The following PRR35 variants were observed in gnomAD, a reference collection of about 807,000 sequenced individuals.
PRR35 encodes the protein proline rich 35, also known as proline-rich protein 35.
A neutral mutation model predicts 18.6 loss-of-function variants in PRR35; 14 were observed. That is an observed-to-expected ratio of 0.75 (90% CI 0.50 to 1.18). The LOEUF is 1.18. Ranked by LOEUF, PRR35 falls within the 50% of genes most tolerant of loss-of-function variation. PRR35 has a pLI of 0.00. For missense variants in PRR35, 832 were observed against 792.2 expected (o/e 1.05, Z -0.60); for synonymous variants, 425 against 378.2 (o/e 1.12, Z -1.43).
At chr16:561,495 C>A (rs2035434674) in intron 1 of PRR35, among the ~76,000 whole-genome samples, 1 of 152,298 alleles carries the variant, frequency 6.6e-6, no homozygotes, top group Middle Eastern at 3.4e-3. Flanking sequence ...CACCCACCAC[C>A]CAGTCCAGGC....
intron 1 of PRR35, among the ~76,000 whole-genome samples, chr16:562,522 CGCACACACGTGT>C (rs2035453152): frequency 2.5e-5 from 3 of 122,318 alleles, no homozygotes; most frequent in South Asian, 2.3e-4. Flanking sequence ...CACACACAGG[CGCACACACGTGT>C]GCACACACAC....
chr16:562,650 G>A (rs536649723), intron 1 of PRR35, among the ~76,000 whole-genome samples: 44 of 152,222 alleles, frequency 2.9e-4, no homozygotes, highest in Admixed American at 1.2e-3. Flanking sequence ...AGACCCTTCC[G>A]TTGGTGTCTC....
Position 563,985 on chromosome 16 carries a change from G to A in PRR35, c.691G>A (p.Ala231Thr). Residue 231 changes from alanine (A) to threonine (T), a missense_variant, in exon 2 of 3, where the codon GCC becomes ACC. By Grantham distance (58) the Ala-to-Thr change is moderately conservative (BLOSUM62 0). Transcript: ENST00000409413. ...SYLGPSLAAA[A>T]HVPFLASASP... ...CTTGGGGCCCTCACTGGCCGCTGCA[G>A]CCCATGTGCCCTTCCTGGCCTCGGC... is the stretch of plus-strand genomic sequence containing the variant. The A allele has an allele frequency of 1.2e-6, 2 of 1,601,776 alleles. No individual in the cohort carries two copies. Among genetic ancestry groups the A allele is most frequent in the Non-Finnish European group, 1.7e-6 (2 of 1,175,802 alleles).
At chr16:562,379 G>A (rs552340694) in intron 1 of PRR35, among the ~76,000 whole-genome samples, 1 of 152,204 alleles carries the variant, frequency 6.6e-6, no homozygotes, top group African/African-American at 2.4e-5. Flanking sequence ...CCCACCTGAC[G>A]CCCTGCTAGA....
intron 1 of PRR35, among the ~76,000 whole-genome samples, chr16:562,477 G>A (rs961044393): frequency 6.6e-5 from 10 of 151,328 alleles, no homozygotes; most frequent in Admixed American, 1.3e-4. Context: ...ATGCACACAC[G>A]TGCACATGAA....
chr16:564,874 C>T lies in PRR35; in HGVS notation c.1283C>T (p.Ala428Val), dbSNP rs372578151. 43 of 1,569,996 alleles carry T rather than the reference C, an allele frequency of 2.7e-5. No homozygotes were observed. Among genetic ancestry groups the T allele is most frequent in the Non-Finnish European group, 3.4e-5 (39 of 1,162,744 alleles). ...CAGCGCCTGGGACAGTTGGGGCCCG[C>T]GGGGGGCCTGGCCCCGAGACCCCTG... is the stretch of plus-strand genomic sequence containing the variant. The part of the protein sequence containing the change: ...VEQRLGQLGP[A>V]GGLAPRPLRE... Residue 428 changes from alanine to valine, a missense_variant, in exon 3 of 3, where the codon GCG becomes GTG. By Grantham distance (64) the Ala-to-Val change is moderately conservative (BLOSUM62 0). Transcript: ENST00000409413.
Position 560,643 on chromosome 16 carries a change from CGCTCCCGGCCGGGCGCAGGTAG to C in PRR35, c.-56_-40+5del. The stretch of plus-strand genomic sequence containing the variant: ...CGCGGCCTCGCAGACTTGGCGGCTC[CGCTCCCGGCCGGGCGCAGGTAG>C]GAGCGGCGGGAGCCGCGGGGGCGGC... On this transcript the variant is annotated splice_donor_variant and splice_donor_region_variant and 5_prime_UTR_variant and intron_variant, in exon 1 of 3. Transcript: ENST00000409413. LOFTEE classifies it low-confidence loss of function (5UTR_SPLICE). 1.1e-6 allele frequency: 1 copy of C among 924,854 alleles called. No homozygotes were observed. Among genetic ancestry groups the C allele is most frequent in the Non-Finnish European group, 1.3e-6 (1 of 790,558 alleles). 57.3% of individuals were successfully genotyped at this position (924,854 alleles called of 1,614,324 possible). A position where few individuals can be genotyped will look rare whatever the true frequency, so the allele number is the denominator to read the frequency against.
At chr16:561,617 G>T in intron 1 of PRR35, 1 of 528,326 alleles carries the variant, frequency 1.9e-6, no homozygotes, top group Non-Finnish European at 2.4e-6. Flanking sequence ...GCCTGCCCCT[G>T]CAGCCCGTGA....
intron 2 of PRR35, 62 bp downstream of exon 2, chr16:564,438 G>C: frequency 1.3e-6 from 2 of 1,562,232 alleles, no homozygotes; most frequent in South Asian, 1.2e-5. Flanking sequence ...TGGGCATGGC[G>C]GTTGGGCGGC....
rs915568290 is a variant in PRR35, at chr16:560,454, C to A, written c.-247C>A. 11 of 982,732 alleles carry A rather than the reference C, an allele frequency of 1.1e-5. No individual in the cohort carries two copies. The highest frequency in any genetic ancestry group is 1.8e-5 in the African/African-American group (1 of 56,904). The allele number at this position is 982,732 out of a possible 1,614,324, so 60.9% of individuals were successfully genotyped here. ...GGGCGGCGGCGGAGGCTGCGGGAGT[C>A]GCTGCCGCTCGAGGGACCGCGGACC... On this transcript the variant is annotated 5_prime_UTR_variant, in exon 1 of 3. Coordinates refer to ENST00000409413, the MANE Select transcript of PRR35 (RefSeq NM_145270.3).
At position 564,994 on chromosome 16, in the gene PRR35, C is replaced by T. The variant is rs1191785899; in HGVS notation, c.1403C>T (p.Ser468Phe). ...VRPPDAPLDLSVKRAPAKGPQ... is the reference protein window; with the variant it reads ...VRPPDAPLDLFVKRAPAKGPQ... ...CCGCCAGACGCACCCCTCGACCTCTCTGTGAAACGTGCGCCCGCCAAGGGG... is the reference window on the plus strand; with the variant it reads ...CCGCCAGACGCACCCCTCGACCTCTTTGTGAAACGTGCGCCCGCCAAGGGG... The change falls in exon 3 of 3, where the codon TCT (serine) becomes TTT (phenylalanine). Residue 468 changes from serine to phenylalanine, a missense_variant. Ser to Phe is a radical substitution (Grantham distance 155). Coordinates refer to ENST00000409413, the MANE Select transcript of PRR35 (RefSeq NM_145270.3). 4 of 1,607,250 alleles carry T rather than the reference C, an allele frequency of 2.5e-6. No homozygotes were observed. The highest frequency in any genetic ancestry group is 3.4e-6 in the Non-Finnish European group (4 of 1,178,138).
Position 565,353 on chromosome 16 carries a change from C to G in PRR35, c.*46C>G. 1 of 1,422,226 alleles carries G rather than the reference C, an allele frequency of 7.0e-7. No homozygotes were observed. Among genetic ancestry groups the G allele is most frequent in the Non-Finnish European group, 9.2e-7 (1 of 1,086,084 alleles). 88.1% of individuals were successfully genotyped at this position (1,422,226 alleles called of 1,614,324 possible). On this transcript the variant is annotated 3_prime_UTR_variant, in exon 3 of 3. Transcript: ENST00000409413. ...ACTGTCTCTGCCTGCAGCATGCCGG[C>G]CCCTCTCCTGCAGCCCCTGCCCCTC...
chr16:563,949 C>T lies in PRR35; in HGVS notation c.655C>T (p.Leu219Phe). 1 of 1,597,246 alleles carries T rather than the reference C, an allele frequency of 6.3e-7. No individual in the cohort carries two copies. Among genetic ancestry groups the T allele is most frequent in the Non-Finnish European group, 8.5e-7 (1 of 1,172,886 alleles). ...LGVNYPLSPG[L>F]FSYLGPSLAA... ...CGTCAACTACCCGCTCAGCCCCGGCCTCTTCTCCTACTTGGGGCCCTCACT... is the reference window on the plus strand; with the variant it reads ...CGTCAACTACCCGCTCAGCCCCGGCTTCTTCTCCTACTTGGGGCCCTCACT... Residue 219 changes from leucine to phenylalanine, a missense_variant, in exon 2 of 3, where the codon CTC (leucine) becomes TTC (phenylalanine). By Grantham distance (22) the Leu-to-Phe change is conservative. Transcript: ENST00000409413.
Position 565,248 on chromosome 16 carries a change from A to C in PRR35, c.1657A>C (p.Ser553Arg), listed in dbSNP as rs756064402. ...SGWGTCVATR[S>R]SQTPEAVCGL... ...CTGGGGCACCTGTGTTGCGACGAGG[A>C]GTTCCCAGACCCCTGAGGCTGTCTG... Residue 553 changes from serine to arginine, a missense_variant, in exon 3 of 3, where the codon AGT (serine) becomes CGT (arginine). By Grantham distance (110) the Ser-to-Arg change is moderately radical. Coordinates refer to ENST00000409413, the MANE Select transcript of PRR35 (RefSeq NM_145270.3). The C allele has an allele frequency of 1.9e-6, 3 of 1,598,330 alleles. No individual in the cohort carries two copies. Among genetic ancestry groups the C allele is most frequent in the Non-Finnish European group, 8.5e-7 (1 of 1,173,080 alleles).
rs1379674682 is a variant in PRR35, at chr16:563,833, C to T, written c.539C>T (p.Ser180Leu). Residue 180 changes from serine (S) to leucine (L), a missense_variant, in exon 2 of 3, where the codon TCA (serine) becomes TTA (leucine). Around this residue, in one of 3 missense-constraint regions of PRR35, gnomAD observed 768 missense variants for 704.1 expected, o/e 1.09. Transcript: ENST00000409413. The stretch of plus-strand genomic sequence containing the variant: ...GGCGTGGGTGCGGGGGACATGGCCT[C>T]AGCAGGCCCTGAGGGCAGCGTCCCC... ...PRGVGAGDMA[S>L]AGPEGSVPCY... 1.3e-6 allele frequency: 2 copies of T among 1,514,614 alleles called. No homozygotes were observed. The highest frequency in any genetic ancestry group is 1.3e-5 in the South Asian group (1 of 78,830). 93.8% of individuals were successfully genotyped at this position (1,514,614 alleles called of 1,614,324 possible).
intron 2 of PRR35, 44 bp from the exon 3 acceptor site, chr16:564,630 G>T: frequency 1.4e-6 from 2 of 1,476,550 alleles, no homozygotes; most frequent in Non-Finnish European, 1.8e-6. Context: ...GGCCGGGGGC[G>T]CTGTGGGGGC....
rs1253860386 is a variant in PRR35, at chr16:564,377, G to A, written c.1082+1G>A. ...TGACAAGGTTCTGTTCCCGGAGCAG[G>A]TGGGCGTCTTGGGCTCCCGGTTCCT... On this transcript the variant is annotated splice_donor_variant, in intron 2 of 2. Transcript: ENST00000409413. LOFTEE classifies it high-confidence loss of function. 3.1e-6 allele frequency: 5 copies of A among 1,590,160 alleles called. No individual in the cohort carries two copies. The highest frequency in any genetic ancestry group is 2.2e-5 in the East Asian group (1 of 44,592).
In PRR35 at chr16:563,289, G is replaced by T; in HGVS notation, c.-6G>T. ...GGTGCCCGGCCCTGCCTCATAGCAG[G>T]CTGCCATGTCGCGGGAGGCGGGCTC... On this transcript the variant is annotated 5_prime_UTR_variant, in exon 2 of 3. Transcript: ENST00000409413. 4 of 1,599,244 alleles carry T rather than the reference G, an allele frequency of 2.5e-6. No homozygotes were observed. The highest frequency in any genetic ancestry group is 3.4e-6 in the Non-Finnish European group (4 of 1,174,648).
At chr16:560,767 G>A (rs896675811) in intron 1 of PRR35, 106 bp downstream of exon 1, 21 of 888,060 alleles carry the variant, frequency 2.4e-5, no homozygotes, top group African/African-American at 3.7e-5. Flanking sequence ...GGCGCGGGGG[G>A]CGGCCGGGTC....
Sources: allele counts gnomAD v4.1 joint callset (sites outside exome capture counted in the v4.1 genomes callset), GRCh38; gene constraint gnomAD v4.1.1; regional missense constraint gnomAD v4.1.1; transcripts MANE v1.5; gene names NCBI Gene and HGNC (gene_info 2026-07-23, HGNC 2026-07-21).